ASIC2: variants seen among roughly 807,000 people sequenced by gnomAD.
ASIC2 encodes acid sensing ion channel subunit 2.
ASIC2 carries 25 observed loss-of-function variants against 57.3 expected under a neutral mutation model. The observed-to-expected ratio is 0.44, with a 90% confidence interval of 0.32 to 0.61. The LOEUF is 0.61. Among genes scored for constraint, ASIC2 ranks in the 20% least tolerant of loss-of-function variants. ASIC2 has a pLI of 0.06. For synonymous variants in ASIC2, 319 were observed against 307.5 expected, an observed-to-expected ratio of 1.04 and a Z score of -0.39; for missense variants, 641 against 738.1, an observed-to-expected ratio of 0.87 and a Z score of 1.52.
chr17:33,151,346 C>G (rs968277975), intron 1 of ASIC2, among the ~76,000 whole-genome samples: 5 of 151,788 alleles, frequency 3.3e-5, no homozygotes, highest in African/African-American at 1.2e-4. Context: ...TGCACTCCAG[C>G]CTGGGCGACA....
chr17:33,629,134 A>G (rs1253144250), intron 1 of ASIC2, among the ~76,000 whole-genome samples: 5 of 152,158 alleles, frequency 3.3e-5, no homozygotes, highest in Admixed American at 1.3e-4. Context: ...GACCCAGTAC[A>G]TAAGCCCTCC....
At chr17:33,593,833 A>G (rs988709970) in intron 1 of ASIC2, among the ~76,000 whole-genome samples, 2 of 152,182 alleles carry the variant, frequency 1.3e-5, no homozygotes, top group African/African-American at 4.8e-5. Flanking sequence ...TACACTTGCT[A>G]TGGTTCTTCA....
Position 33,661,058 on chromosome 17 carries a change from CTGTT to C in ASIC2, c.555+494916_555+494919del, listed in dbSNP as rs540788176. Among the ~76,000 whole-genome samples the C allele has an allele frequency of 1.4e-4, 22 of 152,292 alleles. No individual in the cohort carries two copies. The South Asian group carries it at 1.5e-3, about 10-fold the overall frequency. On this transcript the variant is annotated intron_variant, in intron 1 of 9. Transcript: ENST00000359872. ...AGACTCTGCTAGCCACGCTCTGACT[CTGTT>C]TGACCCAGCTCCCGGGGAGAAGCCA...
intron 1 of ASIC2, among the ~76,000 whole-genome samples, chr17:33,778,643 T>C (rs151186281): frequency 1.3e-3 from 204 of 152,296 alleles, no homozygotes; most frequent in African/African-American, 4.5e-3. Context: ...AGTTTTAGAA[T>C]CAGACCAGAA....
At chr17:33,932,741 A>AAAAAAATATATATATATATATAT (rs1555572867) in intron 1 of ASIC2, 4 of 58,702 alleles carry the variant, frequency 6.8e-5, no homozygotes, top group Non-Finnish European at 1.2e-4. Context: ...AAAAAAAAAA[A>AAAAAAATATATATATATATATAT]ATATATATAT....
intron 1 of ASIC2, among the ~76,000 whole-genome samples, chr17:33,444,712 G>T (rs1479137825): frequency 6.6e-6 from 1 of 152,084 alleles, no homozygotes; most frequent in Non-Finnish European, 1.5e-5. Flanking sequence ...CGTGCACTGG[G>T]AACTGGATAC....
intron 1 of ASIC2, among the ~76,000 whole-genome samples, chr17:33,833,178 T>C (rs533511233): frequency 6.6e-6 from 1 of 152,284 alleles, no homozygotes; most frequent in African/African-American, 2.4e-5. Context: ...TTTTCTTTGA[T>C]GGAGGTGGTT....
intron 1 of ASIC2, among the ~76,000 whole-genome samples, chr17:34,095,607 TTATATA>T (rs3071169): frequency 1.0e-5 from 1 of 96,148 alleles, no homozygotes; most frequent in African/African-American, 5.7e-5. Flanking sequence ...CAGGCAAATT[TTATATA>T]TATATATATA....
In ASIC2 at chr17:33,509,264, C is replaced by T. The variant is rs536527352; in HGVS notation, c.556-397197G>A. On this transcript the variant is annotated intron_variant, in intron 1 of 9. Coordinates refer to the ASIC2 transcript ENST00000359872. ...GACTTTAGCATGTAGGTAATGGGGA[C>T]CATTTAAAGGTTATAAGCCAAGGCC... 1.1e-3 allele frequency among the ~76,000 whole-genome samples: 164 copies of T among 152,208 alleles called. 1 individual carries two copies. The highest frequency in any genetic ancestry group is 6.8e-3 in the Middle Eastern group (2 of 294).
intron 1 of ASIC2, among the ~76,000 whole-genome samples, chr17:33,586,246 T>A (rs114166046): frequency 2.0e-5 from 3 of 152,324 alleles, no homozygotes; most frequent in African/African-American, 7.2e-5. Context: ...GGAGCTTTTT[T>A]CTGGAGCTTC....
At chr17:33,635,921 T>C (rs1016301016) in intron 1 of ASIC2, among the ~76,000 whole-genome samples, 1 of 152,206 alleles carries the variant, frequency 6.6e-6, no homozygotes, top group African/African-American at 2.4e-5. Context: ...CATAGAAATG[T>C]TCATCATCAA....
intron 1 of ASIC2, among the ~76,000 whole-genome samples, chr17:33,752,536 TA>T (rs1910466931): frequency 6.6e-6 from 1 of 152,084 alleles, no homozygotes; most frequent in South Asian, 2.1e-4. Flanking sequence ...GCAACCCAAT[TA>T]AAAAATGGGC....
intron 1 of ASIC2, among the ~76,000 whole-genome samples, chr17:33,633,456 C>T (rs1256952113): frequency 6.6e-6 from 1 of 152,226 alleles, no homozygotes; most frequent in African/African-American, 2.4e-5. Flanking sequence ...GTCCCTGCCA[C>T]AAGCTTGGGT....
chr17:34,130,966 C>T (rs1301856008), intron 1 of ASIC2, among the ~76,000 whole-genome samples: 1 of 152,048 alleles, frequency 6.6e-6, no homozygotes, highest in Non-Finnish European at 1.5e-5. Context: ...AGGGAGAGAT[C>T]GAGAAAGCCT....
At chr17:34,067,307 A>G (rs563140792) in intron 1 of ASIC2, among the ~76,000 whole-genome samples, 100 of 152,352 alleles carry the variant, frequency 6.6e-4, no homozygotes, top group African/African-American at 2.3e-3. Flanking sequence ...AGAAATTGAA[A>G]AAAGAATACA....
chr17:33,898,220 C>CTTTTTTTTTTATTTTTTT (rs1915147178), intron 1 of ASIC2, among the ~76,000 whole-genome samples: 1 of 66,196 alleles, frequency 1.5e-5, no homozygotes, highest in Non-Finnish European at 2.8e-5. Flanking sequence ...CATGTATAAT[C>CTTTTTTTTTTATTTTTTT]TTTTTTTTTT....
chr17:33,555,252 T>C (rs914065133), intron 1 of ASIC2, among the ~76,000 whole-genome samples: 14 of 152,196 alleles, frequency 9.2e-5, no homozygotes, highest in African/African-American at 3.4e-4. Context: ...GGTCCGCTGC[T>C]GATTAAATGA....
At chr17:33,580,232 A>C (rs1904388187) in intron 1 of ASIC2, 1 of 152,146 alleles carries the variant, frequency 6.6e-6, no homozygotes, top group Non-Finnish European at 1.5e-5. Flanking sequence ...ATCTGGATCT[A>C]ATTAAATGCA....
At chr17:33,631,004 A>T (rs1906148519) in intron 1 of ASIC2, among the ~76,000 whole-genome samples, 1 of 152,224 alleles carries the variant, frequency 6.6e-6, no homozygotes, top group Non-Finnish European at 1.5e-5. Flanking sequence ...ACTAAATGGA[A>T]AAGTGTGGAT....
Sources: gnomAD v4.1 joint callset for allele counts (sites outside exome capture counted in the v4.1 genomes callset) on GRCh38, gnomAD v4.1.1 for gene constraint, MANE v1.5 for transcripts, NCBI Gene and HGNC (gene_info 2026-07-23, HGNC 2026-07-21) for gene names.